Variants in LRRC4B observed in about 807,000 individuals in gnomAD.
LRRC4B encodes leucine-rich repeat-containing protein 4B.
In LRRC4B, 1 loss-of-function variant was observed where a neutral mutation model predicts 7.3. That is an observed-to-expected ratio of 0.14 (90% CI 0.05 to 0.65). The LOEUF is 0.65. LRRC4B is among the 30% of genes least tolerant of loss of function. LRRC4B has a pLI of 0.84. For missense variants in LRRC4B, 730 were observed against 1,041.6 expected (o/e 0.70, Z 4.12); for synonymous variants, 500 against 499.2 (o/e 1.00, Z -0.02).
At chr19:50,527,606 G>A (rs949025595) in intron 2 of LRRC4B, among the ~76,000 whole-genome samples, 2 of 151,958 alleles carry the variant, frequency 1.3e-5, no homozygotes, top group Non-Finnish European at 2.9e-5. Flanking sequence ...GATATGAACG[G>A]CCCTCTAGAG....
chr19:50,548,457 G>C lies in LRRC4B; in HGVS notation c.297+85C>G. On this transcript the variant is annotated intron_variant, in intron 2 of 2. Coordinates refer to ENST00000652263, the MANE Select transcript of LRRC4B (RefSeq NM_001080457.2). The surrounding 1 kb of genome is among the most constrained non-coding windows in gnomAD (Gnocchi z 6.8). Reference sequence around the variant, plus strand: ...CCGGAGACGGGGAAGCCCCGGTGTGGGGAGGCCCAGAAGGGATGGGCTACA... The same window carrying C: ...CCGGAGACGGGGAAGCCCCGGTGTGCGGAGGCCCAGAAGGGATGGGCTACA... 6.6e-7 allele frequency: 1 copy of C among 1,507,398 alleles called. No homozygotes were observed. The highest frequency in any genetic ancestry group is 8.9e-7 in the Non-Finnish European group (1 of 1,124,272). The allele number at this position is 1,507,398 out of a possible 1,614,324, so 93.4% of individuals were successfully genotyped here. A position where few individuals can be genotyped will look rare whatever the true frequency, so the allele number is the denominator to read the frequency against.
chr19:50,519,480 G>A lies in LRRC4B; in HGVS notation c.298-65C>T. ...ACGGGGACCGTGGGGGGATCACCAA[G>A]GTCCCGGGCGCAGGTGGGGCCGTGT... is the stretch of plus-strand genomic sequence containing the variant. On this transcript the variant is annotated intron_variant, in intron 2 of 2. Transcript: ENST00000652263. This position sits in a 1 kb window ranked among gnomAD's most constrained non-coding sequence, Gnocchi z 8.1. 1 of 1,467,820 alleles carries A rather than the reference G, an allele frequency of 6.8e-7. No homozygotes were observed. The highest frequency in any genetic ancestry group is 9.0e-7 in the Non-Finnish European group (1 of 1,112,446). The allele number at this position is 1,467,820 out of a possible 1,614,324, so 90.9% of individuals were successfully genotyped here.
At chr19:50,559,591 G>C (rs1982398470) in intron 1 of LRRC4B, among the ~76,000 whole-genome samples, 1 of 152,236 alleles carries the variant, frequency 6.6e-6, no homozygotes, top group Non-Finnish European at 1.5e-5. Flanking sequence ...TGTTGCCAAG[G>C]CTCAGGCAGT....
At chr19:50,558,374 G>A (rs889982133) in intron 1 of LRRC4B, among the ~76,000 whole-genome samples, 4 of 152,146 alleles carry the variant, frequency 2.6e-5, no homozygotes, top group African/African-American at 4.8e-5. Context: ...GACTACAGGC[G>A]TGGACCACTA....
At chr19:50,523,864 CAG>C (rs1290175375) in intron 2 of LRRC4B, among the ~76,000 whole-genome samples, 2 of 151,492 alleles carry the variant, frequency 1.3e-5, no homozygotes, top group Admixed American at 1.3e-4. Flanking sequence ...GAGGCTGAGG[CAG>C]GAGAATCTCT....
chr19:50,528,591 C>T (rs1293782762), intron 2 of LRRC4B, among the ~76,000 whole-genome samples: 3 of 152,100 alleles, frequency 2.0e-5, no homozygotes, highest in African/African-American at 4.8e-5. Flanking sequence ...GTGATCTACT[C>T]GCCTTGCCCT....
intron 1 of LRRC4B, among the ~76,000 whole-genome samples, chr19:50,566,178 C>T (rs971145475): frequency 2.1e-5 from 3 of 140,774 alleles, no homozygotes; most frequent in African/African-American, 8.1e-5. Context: ...GAGGTGCGGT[C>T]CTGGCCGCGG....
At chr19:50,541,368 C>CA (rs71332010) in intron 2 of LRRC4B, among the ~76,000 whole-genome samples, 16,255 of 73,820 alleles carry the variant, frequency 0.22, 1,501 homozygotes, top group African/African-American at 0.29. Context: ...GACTCTATCT[C>CA]AAAAAAAAAA....
At chr19:50,544,744 C>A (rs1338119891) in intron 2 of LRRC4B, among the ~76,000 whole-genome samples, 1 of 151,836 alleles carries the variant, frequency 6.6e-6, no homozygotes, top group Non-Finnish European at 1.5e-5. Context: ...TATATTCATT[C>A]TGTAATAAGT....
chr19:50,517,826 G>C lies in LRRC4B; in HGVS notation c.1887C>G (p.Ala629=). The C allele has an allele frequency of 3.8e-6, 6 of 1,568,692 alleles. No homozygotes were observed. The highest frequency in any genetic ancestry group is 5.2e-6 in the Non-Finnish European group (6 of 1,162,300). Residue 629 remains alanine, a synonymous_variant, in exon 3 of 3, where the codon GCC becomes GCG. Coordinates refer to ENST00000652263, the MANE Select transcript of LRRC4B (RefSeq NM_001080457.2). This position sits in a 1 kb window ranked among gnomAD's most constrained non-coding sequence, Gnocchi z 6.6. ...CGGCGGCCGCGGCGGCCACGGACAC[G>C]GCCGAGGCGGCGGGCAGCTCGTCCT... The part of the protein sequence containing the change: ...NVEDELPAAS[A]VSVAAAAAVA...
chr19:50,522,183 TA>T (rs1980610699), intron 2 of LRRC4B, among the ~76,000 whole-genome samples: 1 of 152,000 alleles, frequency 6.6e-6, no homozygotes, highest in African/African-American at 2.4e-5. Context: ...GTCCCCAAAA[TA>T]AATAAATAAA....
chr19:50,518,132 A>G lies in LRRC4B; in HGVS notation c.1581T>C (p.Pro527=), dbSNP rs776817456. ...TTDGVWGGGR[P]GDAAGPASSS... is the part of the protein sequence containing the mutation. ...ACGAGGCAGGGCCGGCCGCGTCCCC[A>G]GGCCGGCCCCCACCCCAGACACCGT... is the stretch of plus-strand genomic sequence containing the variant. Residue 527 remains proline (P), a synonymous_variant, in exon 3 of 3, where the codon CCT becomes CCC. Coordinates refer to ENST00000652263, the MANE Select transcript of LRRC4B (RefSeq NM_001080457.2). 6.3e-7 allele frequency: 1 copy of G among 1,594,208 alleles called. No individual in the cohort carries two copies. Among genetic ancestry groups the G allele is most frequent in the Non-Finnish European group, 8.5e-7 (1 of 1,174,452 alleles).
intron 1 of LRRC4B, among the ~76,000 whole-genome samples, chr19:50,557,060 C>T (rs1224762704): frequency 6.6e-6 from 1 of 151,946 alleles, no homozygotes; most frequent in African/African-American, 2.4e-5. Context: ...GGCTGGAGGC[C>T]AGGGAGGAGC....
chr19:50,523,678 GC>G (rs1454703523), intron 2 of LRRC4B, among the ~76,000 whole-genome samples: 2 of 151,426 alleles, frequency 1.3e-5, no homozygotes, highest in African/African-American at 4.9e-5. Context: ...CAAAAAAGAG[GC>G]CGGGCATGGT....
intron 2 of LRRC4B, among the ~76,000 whole-genome samples, chr19:50,520,033 A>AAAAAT (rs911618245): frequency 9.3e-5 from 14 of 151,342 alleles, no homozygotes; most frequent in Admixed American, 2.0e-4. Context: ...CCATCTCTAC[A>AAAAAT]AAAATAAAAT....
In LRRC4B at chr19:50,534,996, G is replaced by A. The variant is rs556201430; in HGVS notation, c.297+13546C>T. 4.4e-3 allele frequency among the ~76,000 whole-genome samples: 673 copies of A among 151,966 alleles called. 3 individuals are homozygous for A. The highest frequency in any genetic ancestry group is 0.016 in the African/African-American group (650 of 41,412). The stretch of plus-strand genomic sequence containing the variant: ...TGATTCTCCTGCCTCAGCCTCCCGA[G>A]TAGCTGGGATTACAGGCGCCTGCCA... On this transcript the variant is annotated intron_variant, in intron 2 of 2. Coordinates refer to ENST00000652263, the MANE Select transcript of LRRC4B (RefSeq NM_001080457.2).
At chr19:50,562,730 GTTTTTTTTTTTGTT>G (rs1982510077) in intron 1 of LRRC4B, among the ~76,000 whole-genome samples, 1 of 136,144 alleles carries the variant, frequency 7.3e-6, no homozygotes, top group Non-Finnish European at 1.6e-5. Flanking sequence ...TCCATCCAGG[GTTTTTTTTTTTGTT>G]TTTTTTTTTT....
intron 2 of LRRC4B, among the ~76,000 whole-genome samples, chr19:50,521,859 G>A: frequency 6.6e-6 from 1 of 151,376 alleles, no homozygotes; most frequent in East Asian, 2.0e-4. Flanking sequence ...ACCGTGCCCG[G>A]CCACTATACA....
Position 50,517,835 on chromosome 19 carries a change from G to A in LRRC4B, c.1878C>T (p.Ala626=), listed in dbSNP as rs779788433. The change falls in exon 3 of 3, where the codon GCC becomes GCT. Residue 626 remains alanine, a synonymous_variant. Transcript: ENST00000652263. This position sits in a 1 kb window ranked among gnomAD's most constrained non-coding sequence, Gnocchi z 6.6. ...EIINVEDELP[A]ASAVSVAAAA... The stretch of plus-strand genomic sequence containing the variant: ...CGGCGGCCACGGACACGGCCGAGGC[G>A]GCGGGCAGCTCGTCCTCCACGTTGA... 45 of 1,580,252 alleles carry A rather than the reference G, an allele frequency of 2.8e-5. No individual in the cohort carries two copies. Among genetic ancestry groups the A allele is most frequent in the Non-Finnish European group, 2.6e-5 (30 of 1,167,744 alleles).
Sources: gnomAD v4.1 joint callset for allele counts (sites outside exome capture counted in the v4.1 genomes callset) on GRCh38, gnomAD v4.1.1 for gene constraint, Gnocchi (gnomAD v3.1) non-coding constraint, MANE v1.5 for transcripts, NCBI Gene and HGNC (gene_info 2026-07-23, HGNC 2026-07-21) for gene names.